CHST9: variants seen among roughly 807,000 people sequenced by gnomAD.
CHST9 encodes the protein carbohydrate sulfotransferase 9.
CHST9 carries 41 observed loss-of-function variants against 44.4 expected under a neutral mutation model. The observed-to-expected ratio is 0.92, with a 90% CI of 0.72 to 1.20. The LOEUF is 1.20. Ranked by LOEUF, CHST9 falls within the 50% of genes most tolerant of loss-of-function variation. CHST9 has a pLI of 0.00. For missense variants in CHST9, 504 were observed against 516.5 expected, an observed-to-expected ratio of 0.98 and a Z score of 0.23; for synonymous variants, 171 against 178.4, an observed-to-expected ratio of 0.96 and a Z score of 0.33.
intron 2 of CHST9, among the ~76,000 whole-genome samples, chr18:27,127,350 A>G (rs1166990863): frequency 6.6e-6 from 1 of 152,214 alleles, no homozygotes; most frequent in East Asian, 1.9e-4. Context: ...GCCTGTCTTC[A>G]TGGACGTCAA....
At position 26,916,863 on chromosome 18, in the gene CHST9, T is replaced by C. The variant is rs779350300; in HGVS notation, c.728A>G (p.Asn243Ser). 5 of 1,613,808 alleles carry C rather than the reference T, an allele frequency of 3.1e-6. No homozygotes were observed. The highest frequency in any genetic ancestry group is 4.2e-6 in the Non-Finnish European group (5 of 1,179,878). ...GTAGTGGACAGCATTGTGGGAGATG[T>C]TGTATGCAGAGGAAGCCAATCCATT... is the stretch of plus-strand genomic sequence containing the variant. Reference protein sequence around the residue: ...VLNGLASSAYNISHNAVHYGK... With the variant: ...VLNGLASSAYSISHNAVHYGK... Residue 243 changes from asparagine (N) to serine (S), a missense_variant, in exon 6 of 6, where the codon AAC (asparagine) becomes AGC (serine). By Grantham distance (46) the Asn-to-Ser change is conservative (BLOSUM62 1). Transcript: ENST00000618847.
intron 2 of CHST9, among the ~76,000 whole-genome samples, chr18:27,083,952 G>C (rs778934124): frequency 1.4e-4 from 22 of 152,130 alleles, no homozygotes; most frequent in Non-Finnish European, 2.8e-4. Context: ...TTATTGATTT[G>C]TGGATGTTGA....
intron 2 of CHST9, among the ~76,000 whole-genome samples, chr18:27,085,881 A>T (rs1012295684): frequency 6.6e-6 from 1 of 152,198 alleles, no homozygotes; most frequent in African/African-American, 2.4e-5. Context: ...ATGCCCATCA[A>T]TGGTGGACTG....
At chr18:27,128,214 C>T (rs2058441553) in intron 2 of CHST9, among the ~76,000 whole-genome samples, 1 of 152,104 alleles carries the variant, frequency 6.6e-6, no homozygotes, top group South Asian at 2.1e-4. Context: ...GGTTATGAGG[C>T]TTCTTCATGA....
chr18:26,975,154 G>A (rs1057236311), intron 4 of CHST9, among the ~76,000 whole-genome samples: 3 of 152,016 alleles, frequency 2.0e-5, no homozygotes, highest in Admixed American at 1.3e-4. Context: ...ATTAGATAAG[G>A]TTCTCCTGAG....
intron 1 of CHST9, among the ~76,000 whole-genome samples, chr18:27,164,234 G>A (rs1392593123): frequency 1.3e-5 from 2 of 151,308 alleles, no homozygotes; most frequent in Admixed American, 6.6e-5. Flanking sequence ...ATAACTATAT[G>A]TCACAGCCTC....
chr18:26,956,583 A>C (rs558733334), intron 4 of CHST9, among the ~76,000 whole-genome samples: 4 of 151,894 alleles, frequency 2.6e-5, no homozygotes, highest in South Asian at 4.1e-4. Flanking sequence ...GCTTATGGAT[A>C]GCCTTAGCCT....
chr18:27,029,077 C>G (rs1472951689), intron 3 of CHST9, among the ~76,000 whole-genome samples: 1 of 152,052 alleles, frequency 6.6e-6, no homozygotes, highest in Non-Finnish European at 1.5e-5. Context: ...TGCGTTAGGA[C>G]AGGGATGATT....
intron 4 of CHST9, among the ~76,000 whole-genome samples, chr18:27,007,546 G>C (rs374569312): frequency 2.6e-5 from 4 of 152,196 alleles, no homozygotes; most frequent in East Asian, 3.9e-4. Flanking sequence ...AGGAGGGAAA[G>C]AGGATAGATT....
intron 4 of CHST9, among the ~76,000 whole-genome samples, chr18:26,991,005 G>C (rs1438940573): frequency 6.6e-6 from 1 of 152,184 alleles, no homozygotes; most frequent in Non-Finnish European, 1.5e-5. Context: ...CTGAGATCTG[G>C]CAGCATGGGG....
chr18:27,008,382 G>A (rs2057042920), intron 4 of CHST9, among the ~76,000 whole-genome samples: 1 of 152,170 alleles, frequency 6.6e-6, no homozygotes, highest in South Asian at 2.1e-4. Context: ...GTACTTTTAA[G>A]CATTTGTATT....
intron 2 of CHST9, among the ~76,000 whole-genome samples, chr18:27,140,509 A>C (rs1382483324): frequency 6.6e-6 from 1 of 152,254 alleles, no homozygotes; most frequent in Non-Finnish European, 1.5e-5. Flanking sequence ...TAGTCTATAC[A>C]TATGAATATA....
At chr18:26,918,109 A>G (rs1598551092) in intron 5 of CHST9, among the ~76,000 whole-genome samples, 1 of 152,298 alleles carries the variant, frequency 6.6e-6, no homozygotes, top group East Asian at 1.9e-4. Flanking sequence ...GAGTCCATTT[A>G]CCACATACTG....
intron 4 of CHST9, among the ~76,000 whole-genome samples, chr18:26,987,819 C>G (rs2056771820): frequency 6.6e-6 from 1 of 152,126 alleles, no homozygotes; most frequent in African/African-American, 2.4e-5. Context: ...CCCTTTCCAC[C>G]ATGTGAGGAC....
At chr18:27,168,144 G>A (rs755983087) in intron 1 of CHST9, among the ~76,000 whole-genome samples, 1 of 147,448 alleles carries the variant, frequency 6.8e-6, no homozygotes, top group African/African-American at 2.5e-5. Flanking sequence ...GCATGATCTC[G>A]GCTCACTGCA....
At chr18:26,959,805 G>C (rs1175918866) in intron 4 of CHST9, among the ~76,000 whole-genome samples, 1 of 152,146 alleles carries the variant, frequency 6.6e-6, no homozygotes, top group Non-Finnish European at 1.5e-5. Flanking sequence ...GGGAGTCCTT[G>C]AATAATTTTG....
intron 1 of CHST9, among the ~76,000 whole-genome samples, chr18:27,165,277 T>C (rs1263240678): frequency 6.6e-6 from 1 of 152,176 alleles, no homozygotes; most frequent in East Asian, 1.9e-4. Context: ...TAAGATGCTA[T>C]TAACTTCAGG....
At chr18:26,936,491 A>G (rs939754955) in intron 5 of CHST9, 1 of 152,164 alleles carries the variant, frequency 6.6e-6, no homozygotes, top group Admixed American at 6.5e-5. Context: ...TATTGACAAT[A>G]GCTTTAACCT....
chr18:26,917,017 C>A lies in CHST9; in HGVS notation c.574G>T (p.Val192Leu). 3 of 1,613,910 alleles carry A rather than the reference C, an allele frequency of 1.9e-6. No individual in the cohort carries two copies. The highest frequency in any genetic ancestry group is 8.5e-7 in the Non-Finnish European group (1 of 1,179,880). Residue 192 changes from valine to leucine, a missense_variant, in exon 6 of 6, where the codon GTG (valine) becomes TTG (leucine). Coordinates refer to ENST00000618847, the MANE Select transcript of CHST9 (RefSeq NM_031422.6). The part of the protein sequence containing the change: ...LQEFCKKYGG[V>L]SHHQSHLFHT... ...AAAAGATGTGACTGATGATGACTCACCCCACCGTATTTCTTGCAAAACTCC... is the reference window on the plus strand; with the variant it reads ...AAAAGATGTGACTGATGATGACTCAACCCACCGTATTTCTTGCAAAACTCC...
Sources: allele counts gnomAD v4.1 joint callset (sites outside exome capture counted in the v4.1 genomes callset), GRCh38; gene constraint gnomAD v4.1.1; transcripts MANE v1.5; gene names NCBI Gene and HGNC (gene_info 2026-07-23, HGNC 2026-07-21).